Variants in CDH13 observed in about 807,000 individuals in gnomAD.
CDH13 encodes cadherin-13.
CDH13 carries 24 observed loss-of-function variants against 63.8 expected under a neutral mutation model. The observed-to-expected ratio is 0.38, with a 90% CI of 0.27 to 0.53. The LOEUF is 0.53. Ranked by LOEUF, CDH13 falls within the 20% of genes least tolerant of loss-of-function variation. The probability of loss-of-function intolerance (pLI) is 0.85; values close to 1 mark genes in which losing one functional copy is unlikely to be tolerated. For missense variants in CDH13, 1,049 were observed against 903.1 expected, an observed-to-expected ratio of 1.16 and a Z score of -2.07; for synonymous variants, 503 against 355.3, an observed-to-expected ratio of 1.42 and a Z score of -4.67.
chr16:83,188,849 T>C (rs1020563157), intron 4 of CDH13, among the ~76,000 whole-genome samples: 1 of 152,184 alleles, frequency 6.6e-6, no homozygotes, highest in Non-Finnish European at 1.5e-5. Context: ...CGCCTTGCCT[T>C]CTTTTCTTTC....
intron 3 of CDH13, among the ~76,000 whole-genome samples, chr16:83,080,224 G>A (rs1051004357): frequency 3.9e-5 from 6 of 152,084 alleles, no homozygotes; most frequent in African/African-American, 1.4e-4. Flanking sequence ...TCAGTTGGAG[G>A]TGGTTCAGGG....
chr16:82,746,404 G>C (rs1341598649), intron 1 of CDH13, among the ~76,000 whole-genome samples: 1 of 151,954 alleles, frequency 6.6e-6, no homozygotes, highest in East Asian at 1.9e-4. Context: ...ATCATTGAAA[G>C]TAGAAGGTGT....
At chr16:83,262,588 T>G (rs1907123594) in intron 5 of CDH13, among the ~76,000 whole-genome samples, 1 of 152,174 alleles carries the variant, frequency 6.6e-6, no homozygotes, top group Non-Finnish European at 1.5e-5. Flanking sequence ...ATGTTCTCAT[T>G]GGAGTCCCCC....
intron 3 of CDH13, among the ~76,000 whole-genome samples, chr16:83,077,638 C>G (rs2032941739): frequency 1.3e-5 from 2 of 152,156 alleles, no homozygotes; most frequent in Admixed American, 1.3e-4. Context: ...TTGGTTCCAG[C>G]TTTTGATTAC....
At chr16:83,102,965 T>TTTTTTTTTGTGTTC (rs2034570357) in intron 3 of CDH13, among the ~76,000 whole-genome samples, 1 of 107,836 alleles carries the variant, frequency 9.3e-6, no homozygotes, top group Admixed American at 1.1e-4. Flanking sequence ...TTTTTTTTTT[T>TTTTTTTTTGTGTTC]TTTTTGAGGT....
chr16:82,670,751 C>T (rs914532636), intron 1 of CDH13, among the ~76,000 whole-genome samples: 1 of 152,174 alleles, frequency 6.6e-6, no homozygotes, highest in African/African-American at 2.4e-5. Context: ...TTCTAGTAGT[C>T]ATTTGTCATC....
Position 83,123,255 on chromosome 16 carries a change from A to AAC in CDH13, c.367-2129_367-2128insCA, listed in dbSNP as rs553974577. ...ATATTTACATATATGTATAGATACA[A>AAC]ATATATATATATATATCCCACATTT... On this transcript the variant is annotated intron_variant, in intron 3 of 13. Coordinates refer to ENST00000567109, the MANE Select transcript of CDH13 (RefSeq NM_001257.5). Among the ~76,000 whole-genome samples, 488 of 149,352 alleles carry AAC rather than the reference A, an allele frequency of 3.3e-3. 2 individuals are homozygous for AAC. The highest frequency in any genetic ancestry group is 0.011 in the African/African-American group (445 of 40,824).
chr16:83,242,317 C>G (rs1369190478), intron 5 of CDH13, among the ~76,000 whole-genome samples: 1 of 152,146 alleles, frequency 6.6e-6, no homozygotes, highest in Non-Finnish European at 1.5e-5. Flanking sequence ...GACAGATTGC[C>G]ATTTACTGAG....
At chr16:83,738,993 C>A (rs142440263) in intron 10 of CDH13, among the ~76,000 whole-genome samples, 1 of 152,278 alleles carries the variant, frequency 6.6e-6, no homozygotes, top group African/African-American at 2.4e-5. Flanking sequence ...ATTTCCTTGT[C>A]CTGATCATGG....
At chr16:83,573,660 TA>T (rs1395005798) in intron 7 of CDH13, among the ~76,000 whole-genome samples, 1 of 152,138 alleles carries the variant, frequency 6.6e-6, no homozygotes, top group Non-Finnish European at 1.5e-5. Context: ...TTTTTAAAAA[TA>T]AAAAACAAAG....
chr16:83,422,413 A>C (rs1228695630), intron 6 of CDH13, among the ~76,000 whole-genome samples: 1 of 152,224 alleles, frequency 6.6e-6, no homozygotes, highest in East Asian at 1.9e-4. Context: ...TAAGTTGGAC[A>C]CTGGTCTCAG....
At chr16:83,672,790 C>A in intron 9 of CDH13, among the ~76,000 whole-genome samples, 1 of 152,160 alleles carries the variant, frequency 6.6e-6, no homozygotes, top group East Asian at 1.9e-4. Flanking sequence ...GAGGCCTGAG[C>A]TCCAGGATAT....
chr16:82,629,303 C>T lies in CDH13; in HGVS notation c.45+2166C>T, dbSNP rs182060859. On this transcript the variant is annotated intron_variant, in intron 1 of 13. Transcript: ENST00000567109. ...ATTTTGCTGTGAATTGAAATGATTG[C>T]CCTGAGAGGCTTATTTCTATTTTCA... 2.0e-5 allele frequency among the ~76,000 whole-genome samples: 3 copies of T among 152,276 alleles called. No individual in the cohort carries two copies. The East Asian group carries it at 5.8e-4, about 29-fold the overall frequency.
At chr16:83,405,478 G>C (rs1337799605) in intron 6 of CDH13, among the ~76,000 whole-genome samples, 1 of 152,214 alleles carries the variant, frequency 6.6e-6, no homozygotes, top group Non-Finnish European at 1.5e-5. Flanking sequence ...GTTGGAGGAA[G>C]AGGCCATGTG....
intron 1 of CDH13, among the ~76,000 whole-genome samples, chr16:82,732,169 C>T (rs577311941): frequency 4.5e-4 from 69 of 152,240 alleles, no homozygotes; most frequent in South Asian, 8.3e-4. Context: ...AAAGACTGCA[C>T]GCTTCCCCAG....
intron 6 of CDH13, among the ~76,000 whole-genome samples, chr16:83,381,238 T>C (rs989306497): frequency 2.6e-5 from 4 of 152,178 alleles, no homozygotes; most frequent in African/African-American, 7.2e-5. Context: ...CTCCTTGCCA[T>C]CTGGAGTGAG....
chr16:83,110,771 A>G (rs2035019555), intron 3 of CDH13, among the ~76,000 whole-genome samples: 2 of 151,562 alleles, frequency 1.3e-5, no homozygotes, highest in Admixed American at 1.3e-4. Context: ...TTTTTGAAAC[A>G]AAAAAAACCA....
intron 10 of CDH13, among the ~76,000 whole-genome samples, chr16:83,744,558 A>G (rs1054218646): frequency 5.9e-5 from 9 of 152,194 alleles, no homozygotes; most frequent in African/African-American, 1.7e-4. Flanking sequence ...GCATCAAAAC[A>G]TTGTTCCCCT....
intron 2 of CDH13, among the ~76,000 whole-genome samples, chr16:82,875,397 A>G (rs1451359721): frequency 6.6e-6 from 1 of 152,186 alleles, no homozygotes; most frequent in African/African-American, 2.4e-5. Context: ...AAAGATACTT[A>G]ATTAAAATAG....
Sources: allele counts gnomAD v4.1 joint callset (sites outside exome capture counted in the v4.1 genomes callset), GRCh38; gene constraint gnomAD v4.1.1; transcripts MANE v1.5; gene names NCBI Gene and HGNC (gene_info 2026-07-23, HGNC 2026-07-21).